The following IKZF1 variants were observed in gnomAD, a reference collection of about 807,000 sequenced individuals.
The protein encoded by IKZF1 is DNA-binding protein Ikaros.
In IKZF1, 10 loss-of-function variants were observed where a neutral mutation model predicts 51.7. The ratio of observed to expected loss-of-function variants is 0.19; its 90% CI spans 0.12 to 0.33. The LOEUF (loss-of-function observed/expected upper bound fraction) is 0.33, where lower values mean the gene tolerates loss of function less well. Ranked by LOEUF, IKZF1 falls within the 10% of genes least tolerant of loss-of-function variation. The pLI is 1.00. For synonymous variants in IKZF1, 280 were observed against 282.3 expected (o/e 0.99, Z 0.08); for missense variants, 484 against 707.5 (o/e 0.68, Z 3.58).
Position 50,400,053 on chromosome 7 carries a change from C to G in IKZF1, c.986C>G (p.Pro329Arg). The G allele has an allele frequency of 6.2e-7, 1 of 1,607,380 alleles. No homozygotes were observed. Among genetic ancestry groups the G allele is most frequent in the Non-Finnish European group, 8.5e-7 (1 of 1,177,412 alleles). ...INYLGAESLRPLVQTPPGGSE... is the reference protein window; with the variant it reads ...INYLGAESLRRLVQTPPGGSE... ...TACCTGGGGGCCGAGTCCCTGCGCC[C>G]GCTGGTGCAGACGCCCCCGGGCGGT... is the stretch of plus-strand genomic sequence containing the variant. The change falls in exon 8 of 8, where the codon CCG becomes CGG. Residue 329 changes from proline (P) to arginine (R), a missense_variant. Around this residue, in one of 6 missense-constraint regions of IKZF1, gnomAD observed 172 missense variants for 192.7 expected, o/e 0.89. Coordinates refer to ENST00000331340, the MANE Select transcript of IKZF1 (RefSeq NM_006060.6). The surrounding 1 kb of genome is among the most constrained non-coding windows in gnomAD (Gnocchi z 5.4).
intron 3 of IKZF1, among the ~76,000 whole-genome samples, chr7:50,341,675 A>G (rs1799101086): frequency 6.6e-6 from 1 of 152,242 alleles, no homozygotes; most frequent in Non-Finnish European, 1.5e-5. Context: ...CATTTTTAGT[A>G]GTCACATTAA....
At position 50,401,016 on chromosome 7, in the gene IKZF1, G is replaced by C. The variant is rs182585664; in HGVS notation, c.*389G>C. The C allele has an allele frequency of 4.4e-5, 15 of 339,126 alleles. No individual in the cohort carries two copies. The highest frequency in any genetic ancestry group is 2.9e-4 in the Admixed American group (6 of 20,872). The allele number at this position is 339,126 out of a possible 1,614,324, so 21.0% of individuals were successfully genotyped here. A position where few individuals can be genotyped will look rare whatever the true frequency, so the allele number is the denominator to read the frequency against. On this transcript the variant is annotated 3_prime_UTR_variant, in exon 8 of 8. Coordinates refer to ENST00000331340, the MANE Select transcript of IKZF1 (RefSeq NM_006060.6). ...GCGTGCTCTACCCTGTGCTAAGCAC[G>C]GGGTTCGCGCACCAGGTGTCTTTTT...
rs111580728 is a variant in IKZF1, at chr7:50,390,335, A to G, written c.716-1394A>G. Among the ~76,000 whole-genome samples the G allele has an allele frequency of 6.1e-3, 932 of 152,318 alleles. 5 individuals carry two copies. Among genetic ancestry groups the G allele is most frequent in the Middle Eastern group, 0.01 (3 of 294 alleles). The stretch of plus-strand genomic sequence containing the variant: ...AGGAAGCATATTAGCTTAATAGATG[A>G]AGTGTGTGACCAGTGTAATTGGGTT... On this transcript the variant is annotated intron_variant, in intron 6 of 7. Transcript: ENST00000331340.
rs371831290 is a variant in IKZF1, at chr7:50,400,075, C to A, written c.1008C>A (p.Gly336=). 4 of 1,586,572 alleles carry A rather than the reference C, an allele frequency of 2.5e-6. No individual in the cohort carries two copies. The highest frequency in any genetic ancestry group is 1.3e-5 in the African/African-American group (1 of 74,152). Residue 336 remains glycine, a synonymous_variant, in exon 8 of 8, where the codon GGC becomes GGA. Coordinates refer to ENST00000331340, the MANE Select transcript of IKZF1 (RefSeq NM_006060.6). The surrounding 1 kb of genome is among the most constrained non-coding windows in gnomAD (Gnocchi z 5.4). ...SLRPLVQTPP[G]GSEVVPVISP... ...GCCCGCTGGTGCAGACGCCCCCGGG[C>A]GGTTCCGAGGTGGTCCCGGTCATCA...
chr7:50,328,761 T>A (rs945300317), intron 3 of IKZF1: 1 of 152,194 alleles, frequency 6.6e-6, no homozygotes, highest in African/African-American at 2.4e-5. Flanking sequence ...GATAACTGAA[T>A]TTTATCTACA....
At position 50,339,213 on chromosome 7, in the gene IKZF1, G is replaced by GTTT. The variant is rs1798474217; in HGVS notation, c.160+11456_160+11457insTTT. Among the ~76,000 whole-genome samples, 670 of 136,680 alleles carry GTTT rather than the reference G, an allele frequency of 4.9e-3. 4 individuals are homozygous for GTTT. The highest frequency in any genetic ancestry group is 0.018 in the African/African-American group (640 of 35,346). The allele number at this position is 136,680 out of a possible 152,430, so 89.7% of individuals were successfully genotyped here. ...TGAAAGGAGGAATTCTTTTGGGTAGGGTTGTGTGTGTGTGTGTGTGTGTGT... is the reference window on the plus strand; with the variant it reads ...TGAAAGGAGGAATTCTTTTGGGTAGGTTTGTTGTGTGTGTGTGTGTGTGTGTGT... On this transcript the variant is annotated intron_variant, in intron 3 of 7. Transcript: ENST00000331340.
intron 1 of IKZF1, among the ~76,000 whole-genome samples, chr7:50,311,348 C>T (rs138064744): frequency 3.9e-4 from 60 of 152,298 alleles, no homozygotes; most frequent in African/African-American, 1.3e-3. Flanking sequence ...CATGTTCTTT[C>T]TGTATTTATA....
chr7:50,369,760 A>T (rs756212361), intron 3 of IKZF1: 10 of 394,182 alleles, frequency 2.5e-5, no homozygotes, highest in Non-Finnish European at 3.6e-5. Context: ...GAAAATGCCT[A>T]TTGCTCTTTT....
At chr7:50,342,263 A>G (rs1799223102) in intron 3 of IKZF1, among the ~76,000 whole-genome samples, 2 of 152,262 alleles carry the variant, frequency 1.3e-5, no homozygotes, top group Non-Finnish European at 2.9e-5. Context: ...TTAAGTACAA[A>G]GTAACGAGAA....
intron 4 of IKZF1, among the ~76,000 whole-genome samples, chr7:50,380,840 C>T (rs1434526468): frequency 6.6e-6 from 1 of 152,238 alleles, no homozygotes; most frequent in Non-Finnish European, 1.5e-5. Flanking sequence ...CCTGGGCTAC[C>T]TGGCTGCTAG....
Position 50,391,800 on chromosome 7 carries a change from G to C in IKZF1, c.787G>C (p.Val263Leu). 2 of 1,613,950 alleles carry C rather than the reference G, an allele frequency of 1.2e-6. No individual in the cohort carries two copies. The highest frequency in any genetic ancestry group is 1.7e-5 in the Admixed American group (1 of 60,008). Residue 263 changes from valine (V) to leucine (L), a missense_variant, in exon 7 of 8, where the codon GTG becomes CTG. By Grantham distance (32) the Val-to-Leu change is conservative. Around this residue, in one of 6 missense-constraint regions of IKZF1, gnomAD observed 172 missense variants for 192.7 expected, o/e 0.89. Transcript: ENST00000331340. ...LCKIGSERSL[V>L]LDRLASNVAK... ...CAAGATAGGATCAGAGAGATCTCTC[G>C]TGCTGGACAGACTAGCAAGTAACGT...
intron 3 of IKZF1, among the ~76,000 whole-genome samples, chr7:50,336,388 G>A (rs1797788370): frequency 1.3e-5 from 2 of 152,182 alleles, no homozygotes; most frequent in Admixed American, 6.5e-5. Flanking sequence ...TCTTTAGGAA[G>A]GGGTGGAGGT....
intron 3 of IKZF1, among the ~76,000 whole-genome samples, chr7:50,349,623 G>A (rs943739556): frequency 7.9e-5 from 12 of 152,148 alleles, no homozygotes; most frequent in African/African-American, 2.9e-4. Flanking sequence ...AGGTCTTCCA[G>A]AAGTCTATCC....
At chr7:50,321,115 G>C (rs1200312199) in intron 2 of IKZF1, among the ~76,000 whole-genome samples, 3 of 152,080 alleles carry the variant, frequency 2.0e-5, no homozygotes, top group African/African-American at 7.2e-5. Flanking sequence ...GAAAATTCTT[G>C]GGTGATATTT....
At chr7:50,318,300 C>CT (rs376534699) in intron 1 of IKZF1, 15,676 of 204,172 alleles carry the variant, frequency 0.077, 351 homozygotes, top group Middle Eastern at 0.17. Context: ...TCTTTCTTTT[C>CT]TTTTTTTTTT....
At chr7:50,336,283 T>G (rs1398459856) in intron 3 of IKZF1, among the ~76,000 whole-genome samples, 2 of 148,030 alleles carry the variant, frequency 1.4e-5, no homozygotes, top group African/African-American at 5.1e-5. Flanking sequence ...AGGGGGAGGG[T>G]GCAGAGGGAG....
At chr7:50,351,894 CTT>C (rs1801950801) in intron 3 of IKZF1, among the ~76,000 whole-genome samples, 1 of 152,214 alleles carries the variant, frequency 6.6e-6, no homozygotes, top group African/African-American at 2.4e-5. Context: ...TCTTTAAAGA[CTT>C]TCTTGAAAAC....
rs1285416717 is a variant in IKZF1, at chr7:50,332,714, G to A, written c.160+4957G>A. ...GGCCAAAGGATTGAGGCCCATATGG[G>A]CCTGGGACAGGGCTTACTAAATGAC... On this transcript the variant is annotated intron_variant, in intron 3 of 7. Transcript: ENST00000331340. 5.3e-5 allele frequency among the ~76,000 whole-genome samples: 8 copies of A among 152,346 alleles called. No homozygotes were observed. The East Asian group carries it at 1.5e-3, about 29-fold the overall frequency.
chr7:50,390,592 T>C (rs1814775227), intron 6 of IKZF1, among the ~76,000 whole-genome samples: 1 of 151,976 alleles, frequency 6.6e-6, no homozygotes, highest in Non-Finnish European at 1.5e-5. Flanking sequence ...ACATGGGAGA[T>C]TGGAGAGGTA....
Sources: allele counts gnomAD v4.1 joint callset (sites outside exome capture counted in the v4.1 genomes callset), GRCh38; gene constraint gnomAD v4.1.1; regional missense constraint gnomAD v4.1.1; non-coding constraint Gnocchi (gnomAD v3.1); transcripts MANE v1.5; gene names NCBI Gene and HGNC (gene_info 2026-07-23, HGNC 2026-07-21).